KCNMA1: variants seen among roughly 807,000 people sequenced by gnomAD.
The protein encoded by KCNMA1 is potassium calcium-activated channel subfamily M alpha 1.
Under a neutral mutation model 140.0 loss-of-function variants are expected in KCNMA1, and 29 were observed. That is an observed-to-expected ratio of 0.21 (90% confidence interval 0.15 to 0.28). The LOEUF (loss-of-function observed/expected upper bound fraction) is 0.28, where lower values mean the gene tolerates loss of function less well. Ranked by LOEUF, KCNMA1 falls within the 10% of genes least tolerant of loss-of-function variation. The pLI, the probability that KCNMA1 is intolerant of heterozygous loss-of-function variation, is 1.00. For missense variants in KCNMA1, 880 were observed against 1,602.2 expected, an observed-to-expected ratio of 0.55 and a Z score of 7.70; for synonymous variants, 612 against 611.9, an observed-to-expected ratio of 1.00 and a Z score of 0.00.
chr10:77,553,758 G>T (rs1430789641), intron 1 of KCNMA1, among the ~76,000 whole-genome samples: 3 of 152,220 alleles, frequency 2.0e-5, no homozygotes, highest in African/African-American at 7.2e-5. Flanking sequence ...GGAAGGCCAG[G>T]AGCTATGCTC....
At chr10:77,426,965 C>T (rs1176664217) in intron 1 of KCNMA1, among the ~76,000 whole-genome samples, 1 of 152,242 alleles carries the variant, frequency 6.6e-6, no homozygotes, top group East Asian at 1.9e-4. Context: ...ACAATACCTA[C>T]ACTATTACAT....
intron 1 of KCNMA1, among the ~76,000 whole-genome samples, chr10:77,556,427 C>T (rs1173619328): frequency 1.4e-5 from 2 of 144,664 alleles, no homozygotes; most frequent in African/African-American, 5.2e-5. Flanking sequence ...ATTGCTTGAG[C>T]CTGGTAGGCA....
downstream of KCNMA1, chr10:76,876,791 G>A (rs1416490431): frequency 6.6e-6 from 1 of 152,148 alleles, no homozygotes; most frequent in Non-Finnish European, 1.5e-5. Flanking sequence ...CAAACTTCCA[G>A]GCTAAAAGCT....
intron 5 of KCNMA1, among the ~76,000 whole-genome samples, chr10:77,151,562 T>C (rs1165249367): frequency 2.6e-5 from 4 of 152,166 alleles, no homozygotes; most frequent in Non-Finnish European, 2.9e-5. Flanking sequence ...TTTGCAACTA[T>C]GAACAAATGC....
intron 2 of KCNMA1, among the ~76,000 whole-genome samples, chr10:77,290,070 C>A (rs929469594): frequency 2.0e-5 from 3 of 152,162 alleles, no homozygotes; most frequent in African/African-American, 7.2e-5. Context: ...GGCACAGTTC[C>A]ACTGATTATA....
intron 1 of KCNMA1, among the ~76,000 whole-genome samples, chr10:77,541,353 C>T (rs2060143374): frequency 6.6e-6 from 1 of 152,082 alleles, no homozygotes; most frequent in Non-Finnish European, 1.5e-5. Context: ...CAGAAAAACT[C>T]TACCCACAAG....
chr10:77,365,830 T>C (rs1188408147), intron 2 of KCNMA1, among the ~76,000 whole-genome samples: 1 of 152,146 alleles, frequency 6.6e-6, no homozygotes, highest in Admixed American at 6.5e-5. Flanking sequence ...TGGTGGGCCC[T>C]ACTTAGAAAC....
intron 25 of KCNMA1, among the ~76,000 whole-genome samples, chr10:76,893,580 A>T (rs571912913): frequency 1.5e-4 from 23 of 152,150 alleles, no homozygotes; most frequent in African/African-American, 5.5e-4. Context: ...TCTCTACTAA[A>T]AATAAAAAAA....
At chr10:77,219,487 T>C (rs2048870802) in intron 3 of KCNMA1, among the ~76,000 whole-genome samples, 2 of 152,158 alleles carry the variant, frequency 1.3e-5, no homozygotes, top group Admixed American at 6.5e-5. Context: ...CCCTGAGCCC[T>C]AAACCCAGCA....
intron 14 of KCNMA1, among the ~76,000 whole-genome samples, chr10:77,058,126 T>A: frequency 6.6e-6 from 1 of 152,130 alleles, no homozygotes; most frequent in South Asian, 2.1e-4. Context: ...AGTGGCTATA[T>A]TAATATCAGA....
chr10:76,969,866 G>A (rs2075492845), intron 20 of KCNMA1, 108 bp downstream of exon 20: 8 of 828,424 alleles, frequency 9.7e-6, no homozygotes, highest in Non-Finnish European at 1.5e-5. Flanking sequence ...CCCCCACCCC[G>A]GGCTTGCTGG....
chr10:77,439,181 A>G lies in KCNMA1; in HGVS notation c.379-35158T>C, dbSNP rs922392331. Reference sequence around the variant, plus strand: ...AGAGAAGAAAAGAAAAGAGAAGAGAAGATTCCAAACATACAACAGGTTGAA... The same window carrying G: ...AGAGAAGAAAAGAAAAGAGAAGAGAGGATTCCAAACATACAACAGGTTGAA... On this transcript the variant is annotated intron_variant, in intron 1 of 27. Coordinates refer to ENST00000286628, the MANE Select transcript of KCNMA1 (RefSeq NM_001161352.2). 3.9e-5 allele frequency among the ~76,000 whole-genome samples: 6 copies of G among 152,274 alleles called. No homozygotes were observed. In the East Asian group the frequency reaches 1.2e-3, roughly 29 times the overall value.
Position 77,579,391 on chromosome 10 carries a change from A to G in KCNMA1, c.378+57874T>C, listed in dbSNP as rs148775652. Among the ~76,000 whole-genome samples, 1,200 of 152,346 alleles carry G rather than the reference A, an allele frequency of 7.9e-3. 17 individuals carry two copies. The highest frequency in any genetic ancestry group is 0.028 in the African/African-American group (1,158 of 41,582). ...CTGTAACAAGCTGTCAATCTGTCAC[A>G]ATTACTCAACTCTGCCACGGTAAGC... On this transcript the variant is annotated intron_variant, in intron 1 of 27. Coordinates refer to ENST00000286628, the MANE Select transcript of KCNMA1 (RefSeq NM_001161352.2).
At chr10:77,403,586 T>C (rs1275940904) in intron 2 of KCNMA1, among the ~76,000 whole-genome samples, 4 of 152,156 alleles carry the variant, frequency 2.6e-5, no homozygotes, top group African/African-American at 4.8e-5. Context: ...TGTGTGTGTG[T>C]GCGCGCATGT....
At position 77,321,609 on chromosome 10, in the gene KCNMA1, T is replaced by C. The variant is rs77313756; in HGVS notation, c.541-70353A>G. ...AATTAATATTTTTAAATGGCATGAG[T>C]GTGCAATTAATACTTTCGAAGAACA... is the stretch of plus-strand genomic sequence containing the variant. On this transcript the variant is annotated intron_variant, in intron 2 of 27. Transcript: ENST00000286628. Among the ~76,000 whole-genome samples, 1,066 of 152,290 alleles carry C rather than the reference T, an allele frequency of 7.0e-3. 14 individuals are homozygous for C. The highest frequency in any genetic ancestry group is 0.024 in the African/African-American group (1,009 of 41,560).
At chr10:76,905,948 G>A (rs1284102751) in intron 25 of KCNMA1, among the ~76,000 whole-genome samples, 1 of 152,202 alleles carries the variant, frequency 6.6e-6, no homozygotes, top group East Asian at 1.9e-4. Flanking sequence ...TACATACAGA[G>A]CTTGTCAAGT....
chr10:77,200,947 T>A (rs1173776543), intron 3 of KCNMA1, among the ~76,000 whole-genome samples: 1 of 152,136 alleles, frequency 6.6e-6, no homozygotes, highest in East Asian at 1.9e-4. Flanking sequence ...TTAACTGCCT[T>A]TTAAGTGTCC....
intron 2 of KCNMA1, among the ~76,000 whole-genome samples, chr10:77,393,311 T>C (rs1173694274): frequency 6.6e-6 from 1 of 152,148 alleles, no homozygotes; most frequent in Non-Finnish European, 1.5e-5. Flanking sequence ...AAGGATTTGT[T>C]CTTCACCCCC....
intron 1 of KCNMA1, among the ~76,000 whole-genome samples, chr10:77,573,346 G>A (rs1466092600): frequency 6.6e-6 from 1 of 152,150 alleles, no homozygotes; most frequent in Non-Finnish European, 1.5e-5. Context: ...AAAACCACAG[G>A]ATAGGTCAGA....
Sources: gnomAD v4.1 joint callset for allele counts (sites outside exome capture counted in the v4.1 genomes callset) on GRCh38, gnomAD v4.1.1 for gene constraint, MANE v1.5 for transcripts, NCBI Gene and HGNC (gene_info 2026-07-23, HGNC 2026-07-21) for gene names.